Variants in ANK1 observed in about 807,000 individuals in gnomAD.
The protein encoded by ANK1 is ankyrin-1.
A neutral mutation model predicts 210.4 loss-of-function variants in ANK1; 51 were observed. That is an observed-to-expected ratio of 0.24 (90% CI 0.19 to 0.31). The LOEUF is 0.31. ANK1 is among the 10% of genes least tolerant of loss of function. The pLI, the probability that ANK1 is intolerant of heterozygous loss-of-function variation, is 1.00. For synonymous variants in ANK1, 967 were observed against 1,025.9 expected (o/e 0.94, Z 1.10); for missense variants, 2,051 against 2,504.4 (o/e 0.82, Z 3.86).
chr8:41,658,247 G>C (rs1184555730), intron 42 of ANK1, among the ~76,000 whole-genome samples: 1 of 152,166 alleles, frequency 6.6e-6, no homozygotes, highest in Non-Finnish European at 1.5e-5. Flanking sequence ...ATTATTGCTA[G>C]TTTATGGCTA....
chr8:41,683,031 C>CATGGACACACACACACATGT (rs1554533535), intron 37 of ANK1, among the ~76,000 whole-genome samples: 1 of 152,062 alleles, frequency 6.6e-6, no homozygotes, highest in African/African-American at 2.4e-5. Context: ...CAGCAACACC[C>CATGGACACACACACACATGT]ACGGACACAC....
chr8:41,659,588 A>T (rs549320989), intron 42 of ANK1, among the ~76,000 whole-genome samples: 4 of 152,178 alleles, frequency 2.6e-5, no homozygotes, highest in Non-Finnish European at 5.9e-5. Flanking sequence ...TCTTCTCTGT[A>T]GCCTTTGCCC....
chr8:41,748,784 C>T (rs908363480), intron 2 of ANK1, among the ~76,000 whole-genome samples: 1 of 152,188 alleles, frequency 6.6e-6, no homozygotes, highest in South Asian at 2.1e-4. Flanking sequence ...GCCTGTAATC[C>T]CAGCACTTTG....
intron 1 of ANK1, among the ~76,000 whole-genome samples, chr8:41,818,945 T>C (rs953260470): frequency 7.9e-5 from 12 of 152,058 alleles, no homozygotes; most frequent in Admixed American, 6.6e-5. Flanking sequence ...ATGCCGGCAA[T>C]GGAAAATTCT....
chr8:41,659,545 T>C (rs16890723), intron 42 of ANK1, among the ~76,000 whole-genome samples: 8,361 of 152,224 alleles, frequency 0.055, 374 homozygotes, highest in African/African-American at 0.12. Context: ...GGGATGCGGA[T>C]AGTAAATTAG....
At chr8:41,686,721 C>A (rs1817772612) in intron 35 of ANK1, among the ~76,000 whole-genome samples, 1 of 152,152 alleles carries the variant, frequency 6.6e-6, no homozygotes, top group Non-Finnish European at 1.5e-5. Flanking sequence ...CTGCCAAGAA[C>A]CAATGAGAAC....
Position 41,671,170 on chromosome 8 carries a change from C to T in ANK1, c.5096+1184G>A, listed in dbSNP as rs187554105. On this transcript the variant is annotated intron_variant, in intron 38 of 42. Coordinates refer to ENST00000289734, the MANE Select transcript of ANK1 (RefSeq NM_000037.4). ...GCTGCTTTTCTGCTGCGGCACAGGG[C>T]GGGGGCTTCTCAGTGCGGGAAGCGT... 6.6e-5 allele frequency among the ~76,000 whole-genome samples: 10 copies of T among 152,278 alleles called. No homozygotes were observed. In the East Asian group the frequency reaches 7.7e-4, roughly 12 times the overall value.
intron 1 of ANK1, among the ~76,000 whole-genome samples, chr8:41,830,875 CAT>C (rs1806475538): frequency 6.6e-6 from 1 of 152,206 alleles, no homozygotes; most frequent in Non-Finnish European, 1.5e-5. Context: ...ATAATACTGT[CAT>C]AACCTTTGAA....
At chr8:41,863,462 A>G (rs1427833038) in intron 1 of ANK1, among the ~76,000 whole-genome samples, 1 of 152,182 alleles carries the variant, frequency 6.6e-6, no homozygotes, top group Non-Finnish European at 1.5e-5. Context: ...AATCACCATA[A>G]TCTCACCAGC....
At chr8:41,849,397 G>A (rs1810734157) in intron 1 of ANK1, among the ~76,000 whole-genome samples, 1 of 152,104 alleles carries the variant, frequency 6.6e-6, no homozygotes, top group South Asian at 2.1e-4. Flanking sequence ...GGTGGCAAGT[G>A]CCTATAATCC....
At chr8:41,892,114 T>C (rs1185839295) in intron 1 of ANK1, among the ~76,000 whole-genome samples, 1 of 152,116 alleles carries the variant, frequency 6.6e-6, no homozygotes, top group African/African-American at 2.4e-5. Flanking sequence ...ATGAAAGTCA[T>C]GGGCCAACAT....
intron 9 of ANK1, among the ~76,000 whole-genome samples, chr8:41,720,209 T>C (rs750883853): frequency 6.6e-6 from 1 of 152,336 alleles, no homozygotes; most frequent in African/African-American, 2.4e-5. Flanking sequence ...TAGGGGAGTG[T>C]ATCTCTTCTC....
At chr8:41,693,740 T>C (rs1377814915) in intron 29 of ANK1, among the ~76,000 whole-genome samples, 158 bp downstream of exon 29, 4 of 152,116 alleles carry the variant, frequency 2.6e-5, no homozygotes, top group Non-Finnish European at 4.4e-5. Context: ...TTTATGCAGA[T>C]ACATCATCCT....
intron 3 of ANK1, among the ~76,000 whole-genome samples, chr8:41,732,883 G>A (rs578167770): frequency 3.3e-5 from 5 of 151,652 alleles, no homozygotes; most frequent in African/African-American, 1.2e-4. Flanking sequence ...GATTACAGGC[G>A]CCCGCCACCA....
intron 31 of ANK1, among the ~76,000 whole-genome samples, chr8:41,692,151 G>A (rs554859933): frequency 6.6e-6 from 1 of 152,086 alleles, no homozygotes; most frequent in South Asian, 2.1e-4. Context: ...CTGCCTCCCG[G>A]GTTCAAGTGA....
intron 1 of ANK1, among the ~76,000 whole-genome samples, chr8:41,864,654 A>G (rs567806316): frequency 6.6e-6 from 1 of 152,308 alleles, no homozygotes; most frequent in Admixed American, 6.5e-5. Context: ...AATTGGAGGG[A>G]AATTAAGCCC....
intron 1 of ANK1, among the ~76,000 whole-genome samples, chr8:41,785,819 C>A (rs894934443): frequency 3.3e-5 from 5 of 152,224 alleles, no homozygotes; most frequent in Admixed American, 3.3e-4. Flanking sequence ...CTCCTCGGTG[C>A]TTTCCAGACC....
intron 2 of ANK1, among the ~76,000 whole-genome samples, chr8:41,755,220 G>C (rs374280196): frequency 1.3e-5 from 2 of 152,216 alleles, no homozygotes; most frequent in South Asian, 4.1e-4. Flanking sequence ...AGCCCAAAAC[G>C]AACCGAAGAG....
At chr8:41,700,590 C>T in intron 22 of ANK1, 1 of 909,318 alleles carries the variant, frequency 1.1e-6, no homozygotes, top group South Asian at 1.4e-5. Flanking sequence ...TGAAATTATC[C>T]AGATGGAAGG....
Sources: allele counts gnomAD v4.1 joint callset (sites outside exome capture counted in the v4.1 genomes callset), GRCh38; gene constraint gnomAD v4.1.1; transcripts MANE v1.5; gene names NCBI Gene and HGNC (gene_info 2026-07-23, HGNC 2026-07-21).